Variants in MAN1C1 observed in about 807,000 individuals in gnomAD.
MAN1C1 encodes mannosidase alpha class 1C member 1, also known as mannosyl-oligosaccharide 1,2-alpha-mannosidase IC.
A neutral mutation model predicts 71.5 loss-of-function variants in MAN1C1; 49 were observed. The observed-to-expected ratio is 0.69, with a 90% CI of 0.54 to 0.87. The LOEUF (loss-of-function observed/expected upper bound fraction) is 0.87. Ranked by LOEUF, MAN1C1 falls within the 40% of genes least tolerant of loss-of-function variation. MAN1C1 has a pLI of 0.00. For missense variants in MAN1C1, 743 were observed against 835.0 expected (o/e 0.89, Z 1.36); for synonymous variants, 352 against 343.7 (o/e 1.02, Z -0.27).
At chr1:25,683,451 A>G (rs749881262) in intron 1 of MAN1C1, among the ~76,000 whole-genome samples, 2 of 152,240 alleles carry the variant, frequency 1.3e-5, no homozygotes, top group Admixed American at 6.5e-5. Context: ...TCTTTGTGCC[A>G]GTCCTTGGAT....
rs1320682435 is a variant in MAN1C1, at chr1:25,631,978, C to T, written c.540+13641C>T. 6.6e-6 allele frequency among the ~76,000 whole-genome samples: 1 copy of T among 152,132 alleles called. No homozygotes were observed. Among genetic ancestry groups the T allele is most frequent in the Non-Finnish European group, 1.5e-5 (1 of 68,034 alleles). ...GTAGGATGGGGTTTCACCATGTTGG[C>T]TAGGCTGGTCTTGAATCCTGAACTC... On this transcript the variant is annotated intron_variant, in intron 1 of 11. Transcript: ENST00000374332. The surrounding 1 kb of genome is among the most constrained non-coding windows in gnomAD (Gnocchi z 4.2).
Position 25,753,953 on chromosome 1 carries a change from C to A in MAN1C1, c.929+375C>A, listed in dbSNP as rs542895105. Among the ~76,000 whole-genome samples, 3 of 152,302 alleles carry A rather than the reference C, an allele frequency of 2.0e-5. No homozygotes were observed. In the East Asian group the frequency reaches 5.8e-4, roughly 29 times the overall value. On this transcript the variant is annotated intron_variant, in intron 5 of 11. Transcript: ENST00000374332. The surrounding 1 kb of genome is among the most constrained non-coding windows in gnomAD (Gnocchi z 4.9). ...GCTGTCTTGACTTGAGAGTCTTCCACAATGGCCCCAAACACTCTCTTCCCC... is the reference window on the plus strand; with the variant it reads ...GCTGTCTTGACTTGAGAGTCTTCCAAAATGGCCCCAAACACTCTCTTCCCC...
intron 1 of MAN1C1, among the ~76,000 whole-genome samples, chr1:25,670,763 G>T (rs891738025): frequency 3.9e-5 from 6 of 152,222 alleles, no homozygotes; most frequent in African/African-American, 1.4e-4. Context: ...GAGCCCAAAT[G>T]TTGGCAAAAG....
At chr1:25,653,607 T>G (rs570917309) in intron 1 of MAN1C1, among the ~76,000 whole-genome samples, 1 of 152,312 alleles carries the variant, frequency 6.6e-6, no homozygotes, top group East Asian at 1.9e-4. Flanking sequence ...TAGGTATCAG[T>G]GTCCAGGGCC....
intron 4 of MAN1C1, among the ~76,000 whole-genome samples, chr1:25,752,948 T>G (rs149630715): frequency 2.0e-5 from 3 of 152,362 alleles, no homozygotes; most frequent in Non-Finnish European, 4.4e-5. Flanking sequence ...GAGGGTGGTC[T>G]TGGCTCCCAG....
intron 5 of MAN1C1, among the ~76,000 whole-genome samples, chr1:25,757,501 G>A (rs916813761): frequency 1.3e-3 from 4 of 3,032 alleles, no homozygotes; most frequent in Non-Finnish European, 1.9e-3. Flanking sequence ...ACTGAGGCAC[G>A]GGGGGGGGGG....
intron 5 of MAN1C1, among the ~76,000 whole-genome samples, chr1:25,757,629 A>G (rs761616986): frequency 6.6e-6 from 1 of 152,196 alleles, no homozygotes; most frequent in Admixed American, 6.5e-5. Flanking sequence ...ACTGTGTCTT[A>G]CGGATGCAGG....
intron 2 of MAN1C1, among the ~76,000 whole-genome samples, chr1:25,694,466 G>C (rs1039082318): frequency 1.3e-5 from 2 of 152,178 alleles, no homozygotes; most frequent in African/African-American, 4.8e-5. Context: ...GAGTTAAGAG[G>C]CAAAATGAAC....
At chr1:25,759,042 C>T (rs764687786) in intron 6 of MAN1C1, 9 of 263,676 alleles carry the variant, frequency 3.4e-5, no homozygotes, top group Non-Finnish European at 6.7e-5. Context: ...GAAATCTAGG[C>T]ACCACCTTGC....
At chr1:25,640,726 A>T (rs914168189) in intron 1 of MAN1C1, among the ~76,000 whole-genome samples, 2 of 152,188 alleles carry the variant, frequency 1.3e-5, no homozygotes, top group Non-Finnish European at 2.9e-5. Flanking sequence ...TTTTGTGTGT[A>T]TAATTAAGTG....
At chr1:25,747,435 T>C (rs2047145736) in intron 3 of MAN1C1, among the ~76,000 whole-genome samples, 1 of 152,170 alleles carries the variant, frequency 6.6e-6, no homozygotes, top group Non-Finnish European at 1.5e-5. Context: ...AAGGCATGCA[T>C]CCCAGAGGGG....
At chr1:25,670,434 T>C (rs1398196874) in intron 1 of MAN1C1, among the ~76,000 whole-genome samples, 1 of 152,244 alleles carries the variant, frequency 6.6e-6, no homozygotes, top group Non-Finnish European at 1.5e-5. Context: ...TTCCAAAGGC[T>C]CCAGGCTCTG....
chr1:25,679,792 G>A (rs184017163), intron 1 of MAN1C1, among the ~76,000 whole-genome samples: 39 of 151,384 alleles, frequency 2.6e-4, no homozygotes, highest in African/African-American at 9.2e-4. Flanking sequence ...CAATTTGAAA[G>A]TTGCAAATAT....
chr1:25,746,451 G>A lies in MAN1C1; in HGVS notation c.638-217G>A, dbSNP rs72875687. Among the ~76,000 whole-genome samples the A allele has an allele frequency of 0.023, 3,446 of 152,316 alleles. 123 individuals carry two copies. Among genetic ancestry groups the A allele is most frequent in the African/African-American group, 0.078 (3,232 of 41,544 alleles). ...TGGGCCCTCGGTCTCTCTGGCCGCT[G>A]TTTGCTGCCTTGAGGAGGAAGCAGC... is the stretch of plus-strand genomic sequence containing the variant. On this transcript the variant is annotated intron_variant, in intron 2 of 11. Coordinates refer to ENST00000374332, the MANE Select transcript of MAN1C1 (RefSeq NM_020379.4). This position sits in a 1 kb window ranked among gnomAD's most constrained non-coding sequence, Gnocchi z 4.0.
chr1:25,678,881 A>C (rs771666913), intron 1 of MAN1C1, among the ~76,000 whole-genome samples: 1 of 152,198 alleles, frequency 6.6e-6, no homozygotes, highest in Non-Finnish European at 1.5e-5. Context: ...CCAAAATGGG[A>C]ATGGTGGTTG....
rs751639048 is a variant in MAN1C1 at position 25,746,809 on chromosome 1, A to AG, written c.753+32dup. On this transcript the variant is annotated intron_variant, in intron 3 of 11. Transcript: ENST00000374332. The surrounding 1 kb of genome is among the most constrained non-coding windows in gnomAD (Gnocchi z 4.0). ...GTGAGTCAGAGGCCCTCGGCGGGGG[A>AG]GGGGGGCGGGGGCCAGAAGAGGCCC... 40 of 233,188 alleles carry AG rather than the reference A, an allele frequency of 1.7e-4. No individual in the cohort carries two copies. Among genetic ancestry groups the AG allele is most frequent in the East Asian group, 4.7e-4 (4 of 8,464 alleles). 14.4% of individuals were successfully genotyped at this position (233,188 alleles called of 1,614,324 possible). A position where few individuals can be genotyped will look rare whatever the true frequency, so the allele number is the denominator to read the frequency against.
At chr1:25,686,833 G>T (rs2046238301) in intron 2 of MAN1C1, among the ~76,000 whole-genome samples, 2 of 152,232 alleles carry the variant, frequency 1.3e-5, no homozygotes, top group Non-Finnish European at 2.9e-5. Flanking sequence ...GAAGGATGGA[G>T]ATTTGTTTCC....
intron 1 of MAN1C1, among the ~76,000 whole-genome samples, chr1:25,647,083 C>G (rs1358946844): frequency 6.6e-6 from 1 of 152,172 alleles, no homozygotes; most frequent in Non-Finnish European, 1.5e-5. Context: ...GCCAGCCCCT[C>G]TCTAGCATAA....
At chr1:25,709,686 C>T (rs766556134) in intron 2 of MAN1C1, 20 of 152,110 alleles carry the variant, frequency 1.3e-4, no homozygotes, top group African/African-American at 3.9e-4. Context: ...TGTCAGTCTT[C>T]GTAACGTTAG....
Sources: gnomAD v4.1 joint callset for allele counts (sites outside exome capture counted in the v4.1 genomes callset) on GRCh38, gnomAD v4.1.1 for gene constraint, Gnocchi (gnomAD v3.1) non-coding constraint, MANE v1.5 for transcripts, NCBI Gene and HGNC (gene_info 2026-07-23, HGNC 2026-07-21) for gene names.